LRP1B: variants seen among roughly 807,000 people sequenced by gnomAD.
LRP1B encodes LDL receptor related protein 1B, also known as low-density lipoprotein receptor-related protein 1B.
A neutral mutation model predicts 556.6 loss-of-function variants in LRP1B; 217 were observed. The ratio of observed to expected loss-of-function variants is 0.39; its 90% CI spans 0.35 to 0.44. The LOEUF (loss-of-function observed/expected upper bound fraction) is 0.44, where lower values mean the gene tolerates loss of function less well. Among genes scored for constraint, LRP1B ranks in the 20% least tolerant of loss-of-function variants. The pLI is 1.00. For missense variants in LRP1B, 5,053 were observed against 5,620.8 expected (o/e 0.90, Z 3.23); for synonymous variants, 2,047 against 1,865.8 (o/e 1.10, Z -2.50).
At chr2:140,928,060 A>G (rs1694939744) in intron 20 of LRP1B, among the ~76,000 whole-genome samples, 1 of 151,806 alleles carries the variant, frequency 6.6e-6, no homozygotes, top group South Asian at 2.1e-4. Flanking sequence ...GGCATTTTTT[A>G]GGCACTGGGC....
intron 20 of LRP1B, among the ~76,000 whole-genome samples, chr2:140,947,983 A>C (rs550006044): frequency 6.6e-6 from 1 of 152,316 alleles, no homozygotes; most frequent in Non-Finnish European, 1.5e-5. Context: ...CATTAACATT[A>C]AATAGCCACT....
At chr2:140,377,770 T>C (rs921945830) in intron 68 of LRP1B, among the ~76,000 whole-genome samples, 8 of 152,202 alleles carry the variant, frequency 5.3e-5, no homozygotes, top group African/African-American at 1.9e-4. Flanking sequence ...CCCACATCGA[T>C]GTCTGTAAGA....
chr2:140,286,006 C>T (rs992139383), intron 84 of LRP1B, among the ~76,000 whole-genome samples: 13 of 151,910 alleles, frequency 8.6e-5, no homozygotes, highest in African/African-American at 3.1e-4. Flanking sequence ...AATCTCTAGT[C>T]TCACTACCTG....
chr2:141,267,201 A>G (rs1338303606), intron 3 of LRP1B, among the ~76,000 whole-genome samples: 1 of 152,202 alleles, frequency 6.6e-6, no homozygotes, highest in Non-Finnish European at 1.5e-5. Context: ...ATCAGAGAAT[A>G]AACTAAGACA....
intron 21 of LRP1B, among the ~76,000 whole-genome samples, chr2:140,921,459 C>T (rs1694734882): frequency 6.6e-6 from 1 of 151,960 alleles, no homozygotes; most frequent in Non-Finnish European, 1.5e-5. Context: ...AGTATGTTAA[C>T]TCGAGTCAAA....
intron 1 of LRP1B, among the ~76,000 whole-genome samples, chr2:141,880,433 CTA>C (rs1698917507): frequency 6.6e-6 from 1 of 151,690 alleles, no homozygotes; most frequent in African/African-American, 2.4e-5. Flanking sequence ...TGAATAAAAA[CTA>C]TATATAAATG....
At chr2:141,422,969 G>C (rs1680194669) in intron 3 of LRP1B, among the ~76,000 whole-genome samples, 1 of 152,164 alleles carries the variant, frequency 6.6e-6, no homozygotes, top group Non-Finnish European at 1.5e-5. Context: ...GAGGAAAAAA[G>C]TCAGTTGAAA....
intron 3 of LRP1B, among the ~76,000 whole-genome samples, chr2:141,354,663 T>G (rs1688561709): frequency 6.6e-6 from 1 of 151,898 alleles, no homozygotes; most frequent in South Asian, 2.1e-4. Context: ...CATAGAGAAG[T>G]GGAAATACGT....
chr2:141,344,978 A>G (rs1688192917), intron 3 of LRP1B, among the ~76,000 whole-genome samples: 1 of 152,174 alleles, frequency 6.6e-6, no homozygotes, highest in African/African-American at 2.4e-5. Context: ...AATAGCTGAC[A>G]TTGAGATGAA....
chr2:140,440,745 G>GTGTGTGTGTGTGTGTGTGTGTA (rs1334136126), intron 66 of LRP1B, among the ~76,000 whole-genome samples: 1 of 150,560 alleles, frequency 6.6e-6, no homozygotes, highest in African/African-American at 2.4e-5. Context: ...CTGTATGTAT[G>GTGTGTGTGTGTGTGTGTGTGTA]TGTGTGTGTG....
chr2:141,972,831 T>C (rs1198183125), intron 1 of LRP1B, among the ~76,000 whole-genome samples: 1 of 151,748 alleles, frequency 6.6e-6, no homozygotes, highest in Non-Finnish European at 1.5e-5. Context: ...AGTATCAACA[T>C]TGAAATCTGA....
At chr2:141,057,953 G>A (rs1699227947) in intron 9 of LRP1B, among the ~76,000 whole-genome samples, 1 of 151,620 alleles carries the variant, frequency 6.6e-6, no homozygotes, top group Non-Finnish European at 1.5e-5. Context: ...TTTCTCTATA[G>A]CACTTATTAC....
chr2:140,413,017 A>G (rs1685031624), intron 66 of LRP1B, among the ~76,000 whole-genome samples: 1 of 152,152 alleles, frequency 6.6e-6, no homozygotes, highest in African/African-American at 2.4e-5. Flanking sequence ...GGGTTTTTTA[A>G]GAAAACACTC....
rs2104896535 is a variant in LRP1B at position 140,503,085 on chromosome 2, G to C, written c.8540C>G (p.Thr2847Arg). The C allele has an allele frequency of 6.2e-7, 1 of 1,613,138 alleles. No homozygotes were observed. Among genetic ancestry groups the C allele is most frequent in the Non-Finnish European group, 8.5e-7 (1 of 1,179,310 alleles). ...SPQCGYRQCG[T>R]EEFSCADGRC... ...CCCATCAGCACAACTAAATTCTTCT[G>C]TACCACACTGTCGATATCCTAGAGA... The change falls in exon 54 of 91, where the codon ACA becomes AGA. Residue 2847 changes from threonine (T) to arginine (R), a missense_variant. Coordinates refer to ENST00000389484, the MANE Select transcript of LRP1B (RefSeq NM_018557.3).
intron 2 of LRP1B, among the ~76,000 whole-genome samples, chr2:141,758,723 A>C (rs1325772266): frequency 3.3e-5 from 5 of 152,260 alleles, no homozygotes; most frequent in Admixed American, 1.3e-4. Flanking sequence ...CTCTAGTGCA[A>C]AGTAAATTTT....
rs2105446049 is a variant in LRP1B, at chr2:141,049,146, C to G, written c.1629G>C (p.Lys543Asn). 1 of 1,613,602 alleles carries G rather than the reference C, an allele frequency of 6.2e-7. No homozygotes were observed. Among genetic ancestry groups the G allele is most frequent in the Non-Finnish European group, 8.5e-7 (1 of 1,179,720 alleles). The change falls in exon 11 of 91, where the codon AAG (lysine) becomes AAC (asparagine). Residue 543 changes from lysine (K) to asparagine (N), a missense_variant. Coordinates refer to ENST00000389484, the MANE Select transcript of LRP1B (RefSeq NM_018557.3). Reference sequence around the variant, plus strand: ...TGGGGATCATGTATTCATCAGCTATCTTGGTATTCAAGTCCATTCCTCTAA... The same window carrying G: ...TGGGGATCATGTATTCATCAGCTATGTTGGTATTCAAGTCCATTCCTCTAA... ...GIVRGMDLNT[K>N]IADEYMIPIE...
intron 2 of LRP1B, among the ~76,000 whole-genome samples, chr2:141,535,095 G>A (rs1453298441): frequency 2.0e-5 from 3 of 152,094 alleles, no homozygotes; most frequent in Non-Finnish European, 4.4e-5. Flanking sequence ...TCACTTTTGT[G>A]AGTCCATCTT....
At chr2:140,589,541 G>T (rs556301415) in intron 43 of LRP1B, among the ~76,000 whole-genome samples, 1 of 151,980 alleles carries the variant, frequency 6.6e-6, no homozygotes, top group Non-Finnish European at 1.5e-5. Flanking sequence ...ACTAGAAACC[G>T]CCCTGATGAC....
At chr2:142,046,216 A>C (rs147486119) in intron 1 of LRP1B, among the ~76,000 whole-genome samples, 55 of 151,994 alleles carry the variant, frequency 3.6e-4, no homozygotes, top group African/African-American at 1.2e-3. Context: ...GTTGGGGGGC[A>C]GTTTCTATAA....
Sources: allele counts gnomAD v4.1 joint callset (sites outside exome capture counted in the v4.1 genomes callset), GRCh38; gene constraint gnomAD v4.1.1; transcripts MANE v1.5; gene names NCBI Gene and HGNC (gene_info 2026-07-23, HGNC 2026-07-21).